Variants in PCDHGA8 observed in about 807,000 individuals in gnomAD.
PCDHGA8 encodes protocadherin gamma subfamily A, 8.
A neutral mutation model predicts 59.2 loss-of-function variants in PCDHGA8; 45 were observed. That is an observed-to-expected ratio of 0.76 (90% CI 0.60 to 0.98). The LOEUF is 0.98. PCDHGA8 is among the 50% of genes least tolerant of loss of function. The probability of loss-of-function intolerance (pLI) is 0.00; values close to 1 mark genes in which losing one functional copy is unlikely to be tolerated. For synonymous variants in PCDHGA8, 531 were observed against 519.0 expected (o/e 1.02, Z -0.32); for missense variants, 1,257 against 1,196.2 (o/e 1.05, Z -0.75).
intron 1 of PCDHGA8, among the ~76,000 whole-genome samples, chr5:141,450,022 T>TTTTC: frequency 6.7e-6 from 1 of 149,424 alleles, no homozygotes; most frequent in Admixed American, 6.7e-5. Context: ...TTTTTTTTTT[T>TTTTC]TTGAGACAGG....
intron 1 of PCDHGA8, among the ~76,000 whole-genome samples, chr5:141,433,395 CTA>C (rs1426636882): frequency 1.1e-4 from 17 of 150,770 alleles, no homozygotes; most frequent in African/African-American, 4.1e-4. Flanking sequence ...ATCTATCTAT[CTA>C]TCTATCTATT....
chr5:141,428,015 A>G, intron 1 of PCDHGA8: 5 of 1,604,042 alleles, frequency 3.1e-6, no homozygotes, highest in Non-Finnish European at 3.4e-6. Flanking sequence ...ATATAGTGCC[A>G]CGCGCCGCAG....
intron 1 of PCDHGA8, among the ~76,000 whole-genome samples, chr5:141,472,991 AAAAAAAGAAAGAAAAAG>A (rs2099310051): frequency 6.6e-6 from 1 of 151,894 alleles, no homozygotes; most frequent in Admixed American, 6.6e-5. Flanking sequence ...AAAAAAAAAA[AAAAAAAGAAAGAAAAAG>A]AAAAAGAAAG....
chr5:141,414,559 T>C (rs1330713312), intron 1 of PCDHGA8: 2 of 1,613,782 alleles, frequency 1.2e-6, no homozygotes, highest in Non-Finnish European at 1.7e-6. Flanking sequence ...AGTCTCCTAC[T>C]TTACCTATAT....
Position 141,477,230 on chromosome 5 carries a change from G to A in PCDHGA8, c.2425-17577G>A, listed in dbSNP as rs768648952. The A allele has an allele frequency of 1.3e-5, 21 of 1,614,164 alleles. No individual in the cohort carries two copies. The highest frequency in any genetic ancestry group is 1.8e-5 in the Non-Finnish European group (21 of 1,180,046). On this transcript the variant is annotated intron_variant, in intron 1 of 3. Coordinates refer to ENST00000398604, the MANE Select transcript of PCDHGA8 (RefSeq NM_032088.2). This position sits in a 1 kb window ranked among gnomAD's most constrained non-coding sequence, Gnocchi z 4.9. ...GGATGCCCCTCTGGGGACTGTCATC[G>A]CTTTGCTCAGTGTGACTGACCTGGA...
At position 141,395,182 on chromosome 5, in the gene PCDHGA8, C is replaced by A. The variant is rs143509166; in HGVS notation, c.2369C>A (p.Ser790Tyr). The stretch of plus-strand genomic sequence containing the variant: ...CAGGAGGGCTGTGAGAAAAATGATT[C>A]TTTGTTAACATCCGTAGATTTTCAT... ...ISQEGCEKND[S>Y]LLTSVDFHEY... The change falls in exon 1 of 4, where the codon TCT becomes TAT. Residue 790 changes from serine to tyrosine, a missense_variant. Transcript: ENST00000398604. 1 of 1,614,114 alleles carries A rather than the reference C, an allele frequency of 6.2e-7. No individual in the cohort carries two copies. The highest frequency in any genetic ancestry group is 1.1e-5 in the South Asian group (1 of 91,080).
chr5:141,448,439 C>T (rs182359185), intron 1 of PCDHGA8, among the ~76,000 whole-genome samples: 7 of 152,232 alleles, frequency 4.6e-5, no homozygotes, highest in Admixed American at 4.6e-4. Context: ...ATTGAGAAGT[C>T]TGACTTCCAT....
At chr5:141,424,841 C>A (rs1303241053) in intron 1 of PCDHGA8, among the ~76,000 whole-genome samples, 1 of 152,126 alleles carries the variant, frequency 6.6e-6, no homozygotes. Context: ...TACATGTTAT[C>A]TGAAGCAATG....
In PCDHGA8 at chr5:141,485,629, C is replaced by G. The variant is rs1028146827; in HGVS notation, c.2425-9178C>G. The G allele has an allele frequency of 1.2e-6, 2 of 1,611,902 alleles. No individual in the cohort carries two copies. The highest frequency in any genetic ancestry group is 3.3e-5 in the Admixed American group (2 of 59,922). On this transcript the variant is annotated intron_variant, in intron 1 of 3. Coordinates refer to ENST00000398604, the MANE Select transcript of PCDHGA8 (RefSeq NM_032088.2). This position sits in a 1 kb window ranked among gnomAD's most constrained non-coding sequence, Gnocchi z 5.7. ...AGGCAGCTCCTCCAGGACAGCGTTTCCCGTTGGAAAAGGCTCAGGATGCAG... is the reference window on the plus strand; with the variant it reads ...AGGCAGCTCCTCCAGGACAGCGTTTGCCGTTGGAAAAGGCTCAGGATGCAG...
At chr5:141,399,080 G>A (rs1385144710) in intron 1 of PCDHGA8, 2 of 1,613,696 alleles carry the variant, frequency 1.2e-6, no homozygotes, top group Non-Finnish European at 1.7e-6. Flanking sequence ...GTAGAAGGGA[G>A]GGATGGTGGT....
chr5:141,401,320 C>A (rs1420214369), intron 1 of PCDHGA8, among the ~76,000 whole-genome samples: 1 of 151,626 alleles, frequency 6.6e-6, no homozygotes, highest in East Asian at 1.9e-4. Flanking sequence ...CCAGCCTGGG[C>A]AACAAGAGCA....
At chr5:141,418,803 A>G (rs1358411126) in intron 1 of PCDHGA8, 1 of 1,613,894 alleles carries the variant, frequency 6.2e-7, no homozygotes, top group Non-Finnish European at 8.5e-7. Context: ...GTAGAAAGAT[A>G]TACGATAAAC....
intron 1 of PCDHGA8, among the ~76,000 whole-genome samples, chr5:141,462,819 A>G (rs1182498111): frequency 6.6e-6 from 1 of 152,210 alleles, no homozygotes; most frequent in East Asian, 1.9e-4. Context: ...TTTATTGGAC[A>G]GCAGACATTG....
chr5:141,399,460 G>T (rs1465606526), intron 1 of PCDHGA8: 1 of 1,613,962 alleles, frequency 6.2e-7, no homozygotes, highest in Middle Eastern at 1.6e-4. Flanking sequence ...CAACGATAAC[G>T]CTCCGGTTTT....
rs1191643556 is a variant in PCDHGA8 at position 141,486,302 on chromosome 5, C to A, written c.2425-8505C>A. On this transcript the variant is annotated intron_variant, in intron 1 of 3. Transcript: ENST00000398604. The surrounding 1 kb of genome is among the most constrained non-coding windows in gnomAD (Gnocchi z 5.0). ...GGTGGCACTTATCAGTGTGCAGGAT[C>A]CAGACTCAGGGTCAAACGGAGATGT... The A allele has an allele frequency of 6.2e-7, 1 of 1,614,036 alleles. No individual in the cohort carries two copies. The highest frequency in any genetic ancestry group is 8.5e-7 in the Non-Finnish European group (1 of 1,179,994).
At position 141,432,595 on chromosome 5, in the gene PCDHGA8, C is replaced by G; in HGVS notation, c.2424+37358C>G. 6.2e-7 allele frequency: 1 copy of G among 1,613,756 alleles called. No individual in the cohort carries two copies. Among genetic ancestry groups the G allele is most frequent in the Admixed American group, 1.7e-5 (1 of 60,018 alleles). ...TGTCCTACCGTCTGCTCAAGGCCAG[C>G]GAGCCGGGACTCTTCTCGGTGGGTC... On this transcript the variant is annotated intron_variant, in intron 1 of 3. Transcript: ENST00000398604. This position sits in a 1 kb window ranked among gnomAD's most constrained non-coding sequence, Gnocchi z 6.0.
At chr5:141,399,196 G>A (rs201540226) in intron 1 of PCDHGA8, 2 of 1,613,938 alleles carry the variant, frequency 1.2e-6, no homozygotes, top group Non-Finnish European at 1.7e-6. Flanking sequence ...GGAAAACGCG[G>A]TGCCTGGAAC....
At chr5:141,419,527 C>T (rs755936657) in intron 1 of PCDHGA8, 4 of 1,612,064 alleles carry the variant, frequency 2.5e-6, no homozygotes, top group Non-Finnish European at 2.5e-6. Context: ...GCGACCGTAA[C>T]GACAACGCAC....
In PCDHGA8 at chr5:141,487,801, A is replaced by G. The variant is rs895741843; in HGVS notation, c.2425-7006A>G. The G allele has an allele frequency of 1.0e-5, 15 of 1,479,820 alleles. No individual in the cohort carries two copies. The highest frequency in any genetic ancestry group is 2.7e-6 in the Non-Finnish European group (3 of 1,095,672). The allele number at this position is 1,479,820 out of a possible 1,614,324, so 91.7% of individuals were successfully genotyped here. On this transcript the variant is annotated intron_variant, in intron 1 of 3. Coordinates refer to ENST00000398604, the MANE Select transcript of PCDHGA8 (RefSeq NM_032088.2). The surrounding 1 kb of genome is among the most constrained non-coding windows in gnomAD (Gnocchi z 5.0). ...GTTTCGTGAATTAACCAGAGTTGTC[A>G]CAGTTTAGCATTGGGGGCGGGTCAT... is the stretch of plus-strand genomic sequence containing the variant.
Sources: allele counts gnomAD v4.1 joint callset (sites outside exome capture counted in the v4.1 genomes callset), GRCh38; gene constraint gnomAD v4.1.1; non-coding constraint Gnocchi (gnomAD v3.1); transcripts MANE v1.5; gene names NCBI Gene and HGNC (gene_info 2026-07-23, HGNC 2026-07-21).